Variants in ME1 observed in about 807,000 individuals in gnomAD.
ME1 encodes the protein malic enzyme 1, also known as NADP-dependent malic enzyme.
Under a neutral mutation model 66.4 loss-of-function variants are expected in ME1, and 74 were observed. The ratio of observed to expected loss-of-function variants is 1.11; its 90% CI spans 0.92 to 1.35. The LOEUF (loss-of-function observed/expected upper bound fraction) is 1.35, where lower values mean the gene tolerates loss of function less well. Among genes scored for constraint, ME1 ranks in the 40% most tolerant of loss-of-function variants. ME1 has a pLI of 0.00. For missense variants in ME1, 750 were observed against 694.1 expected (o/e 1.08, Z -0.90); for synonymous variants, 251 against 235.6 (o/e 1.07, Z -0.60).
intron 5 of ME1, among the ~76,000 whole-genome samples, chr6:83,324,492 A>T (rs1045384955): frequency 6.6e-6 from 1 of 152,008 alleles, no homozygotes; most frequent in African/African-American, 2.4e-5. Flanking sequence ...TAAAAAAATG[A>T]TAAAGGGGAG....
At chr6:83,414,754 A>G (rs1269209495) in intron 1 of ME1, among the ~76,000 whole-genome samples, 2 of 152,206 alleles carry the variant, frequency 1.3e-5, no homozygotes, top group Admixed American at 1.3e-4. Flanking sequence ...ATTGTTAGCC[A>G]ACAATGTCAA....
intron 3 of ME1, among the ~76,000 whole-genome samples, chr6:83,361,329 G>GA (rs1364590643): frequency 6.6e-6 from 1 of 152,208 alleles, no homozygotes; most frequent in East Asian, 1.9e-4. Context: ...CTACAACCAA[G>GA]AAAAAGGCAC....
intron 6 of ME1, among the ~76,000 whole-genome samples, chr6:83,263,071 T>C (rs1766926539): frequency 1.3e-5 from 2 of 152,252 alleles, no homozygotes; most frequent in Admixed American, 6.5e-5. Context: ...ATTTTGGTAA[T>C]GCTCCCAATA....
At chr6:83,226,810 C>T (rs1790205680) in intron 11 of ME1, among the ~76,000 whole-genome samples, 1 of 152,078 alleles carries the variant, frequency 6.6e-6, no homozygotes, top group Non-Finnish European at 1.5e-5. Context: ...CAGCCAAATA[C>T]ATATTAGTAC....
At position 83,323,884 on chromosome 6, in the gene ME1, A is replaced by G. The variant is rs149074545; in HGVS notation, c.601-8471T>C. Among the ~76,000 whole-genome samples, 1,048 of 152,314 alleles carry G rather than the reference A, an allele frequency of 6.9e-3. 9 individuals carry two copies. The highest frequency in any genetic ancestry group is 0.011 in the Non-Finnish European group (723 of 68,034). On this transcript the variant is annotated intron_variant, in intron 5 of 13. Coordinates refer to ENST00000369705, the MANE Select transcript of ME1 (RefSeq NM_002395.6). ...TCCATCCCAAATCAACAGAGTATAC[A>G]TTCTTCTTAGCACCACACAGCACTT...
chr6:83,369,671 C>CGAAGGAAGGAAGGAAGGAAG (rs796598711), intron 3 of ME1, among the ~76,000 whole-genome samples: 13 of 72,300 alleles, frequency 1.8e-4, no homozygotes, highest in South Asian at 7.7e-4. Flanking sequence ...AAGGAAGGAA[C>CGAAGGAAGGAAGGAAGGAAG]GAAGGAAGGA....
intron 6 of ME1, among the ~76,000 whole-genome samples, chr6:83,265,450 C>A (rs367984767): frequency 3.9e-5 from 6 of 152,114 alleles, no homozygotes; most frequent in African/African-American, 1.4e-4. Context: ...GAGTGTGCCA[C>A]CATGCCTGGC....
At chr6:83,233,360 G>A (rs1257346755) in intron 9 of ME1, among the ~76,000 whole-genome samples, 8 of 151,926 alleles carry the variant, frequency 5.3e-5, no homozygotes, top group Non-Finnish European at 1.2e-4. Context: ...TTACTATAAA[G>A]TACAAAGATA....
intron 1 of ME1, among the ~76,000 whole-genome samples, chr6:83,409,796 G>C (rs909207151): frequency 2.0e-5 from 3 of 152,166 alleles, no homozygotes; most frequent in Admixed American, 6.5e-5. Context: ...CACCACAGCT[G>C]GTGTCTAGTT....
At chr6:83,398,291 T>C (rs1562002816) in intron 3 of ME1, 76 bp downstream of exon 3, 7 of 1,001,898 alleles carry the variant, frequency 7.0e-6, no homozygotes, top group Admixed American at 3.1e-5. Flanking sequence ...ATAATAATAA[T>C]AAATTTTAAA....
chr6:83,273,326 C>A (rs1239559949), intron 6 of ME1, among the ~76,000 whole-genome samples: 1 of 151,396 alleles, frequency 6.6e-6, no homozygotes, highest in Non-Finnish European at 1.5e-5. Context: ...TAAAGATAAA[C>A]AATTGACTAA....
At chr6:83,331,143 G>T (rs1034469306) in intron 5 of ME1, among the ~76,000 whole-genome samples, 1 of 152,124 alleles carries the variant, frequency 6.6e-6, no homozygotes, top group Non-Finnish European at 1.5e-5. Context: ...ATGTGCTATG[G>T]GTTGAAAGGT....
At chr6:83,225,725 T>C (rs1198309064) in intron 11 of ME1, among the ~76,000 whole-genome samples, 1 of 151,494 alleles carries the variant, frequency 6.6e-6, no homozygotes, top group Non-Finnish European at 1.5e-5. Context: ...CATTTTGTTA[T>C]AAACAACTTT....
At chr6:83,343,514 A>G (rs1424747257) in intron 5 of ME1, among the ~76,000 whole-genome samples, 1 of 152,212 alleles carries the variant, frequency 6.6e-6, no homozygotes, top group Non-Finnish European at 1.5e-5. Flanking sequence ...CAAAATCTCT[A>G]CAAATAATAC....
intron 6 of ME1, among the ~76,000 whole-genome samples, chr6:83,279,996 A>C (rs948275973): frequency 3.3e-5 from 5 of 152,316 alleles, no homozygotes; most frequent in Non-Finnish European, 7.4e-5. Flanking sequence ...AAGAAACCCC[A>C]CCAACCTACA....
intron 7 of ME1, among the ~76,000 whole-genome samples, chr6:83,241,909 C>A (rs1443091254): frequency 6.6e-6 from 1 of 152,132 alleles, no homozygotes; most frequent in Non-Finnish European, 1.5e-5. Context: ...GTCACCCATG[C>A]TGGAGTGCAG....
intron 6 of ME1, among the ~76,000 whole-genome samples, chr6:83,299,290 G>A (rs1054878812): frequency 6.6e-6 from 1 of 152,028 alleles, no homozygotes; most frequent in Non-Finnish European, 1.5e-5. Flanking sequence ...TTGAGCAGTG[G>A]TTTGTAGTTC....
intron 6 of ME1, among the ~76,000 whole-genome samples, chr6:83,282,253 A>T (rs1170502): frequency 0.22 from 33,915 of 152,178 alleles, 4,162 homozygotes; most frequent in Middle Eastern, 0.39. Flanking sequence ...TGAAAGCAAA[A>T]TTGACAAATG....
At chr6:83,340,503 C>T (rs996744523) in intron 5 of ME1, among the ~76,000 whole-genome samples, 1 of 152,152 alleles carries the variant, frequency 6.6e-6, no homozygotes, top group Non-Finnish European at 1.5e-5. Flanking sequence ...GTAACATTTA[C>T]CAAGTGCTTT....
Sources: allele counts gnomAD v4.1 joint callset (sites outside exome capture counted in the v4.1 genomes callset), GRCh38; gene constraint gnomAD v4.1.1; transcripts MANE v1.5; gene names NCBI Gene and HGNC (gene_info 2026-07-23, HGNC 2026-07-21).